SHOX: variants seen among roughly 807,000 people sequenced by gnomAD.
SHOX encodes short stature homeobox protein.
Under a neutral mutation model 29.6 loss-of-function variants are expected in SHOX, and 12 were observed. That is an observed-to-expected ratio of 0.41 (90% CI 0.26 to 0.66). SHOX has a LOEUF of 0.66. SHOX is among the 30% of genes least tolerant of loss of function. The probability of loss-of-function intolerance (pLI) is 0.35; values close to 1 mark genes in which losing one functional copy is unlikely to be tolerated. For missense variants in SHOX, 499 were observed against 437.7 expected, an observed-to-expected ratio of 1.14 and a Z score of -1.25; for synonymous variants, 214 against 200.6, an observed-to-expected ratio of 1.07 and a Z score of -0.57.
intron 4 of SHOX, among the ~76,000 whole-genome samples, chrX:641,963 C>G (rs182802336): frequency 2.6e-5 from 4 of 152,250 alleles, no homozygotes; most frequent in South Asian, 2.1e-4. Flanking sequence ...GGGCTCTGCA[C>G]CTCTGAGCTG....
chrX:640,756 T>C lies in SHOX; in HGVS notation c.487-65T>C, dbSNP rs372057905. ...GCTTGGTTCAGCCTCATGGGAAGGATGCTCCCTGGGGAGGCTGGGCTGGGT... is the reference window on the plus strand; with the variant it reads ...GCTTGGTTCAGCCTCATGGGAAGGACGCTCCCTGGGGAGGCTGGGCTGGGT... On this transcript the variant is annotated intron_variant, in intron 2 of 4. Transcript: ENST00000686671. The C allele has an allele frequency of 6.2e-5, 98 of 1,578,932 alleles. No homozygotes were observed. The African/African-American group carries it at 1.0e-3, about 17-fold the overall frequency.
In SHOX at chrX:634,815, G is replaced by T. The variant is rs751858866; in HGVS notation, c.475G>T (p.Ala159Ser). The T allele has an allele frequency of 6.4e-7, 1 of 1,572,160 alleles. No individual in the cohort carries two copies. Among genetic ancestry groups the T allele is most frequent in the East Asian group, 2.3e-5 (1 of 42,596 alleles). ...ELSQRLGLSE[A>S]RVQVWFQNRR... ...CAGCCAGCGCCTGGGGCTCTCCGAG[G>T]CGCGCGTGCAGGTAGGAACCCGGGG... The change falls in exon 2 of 5, where the codon GCG becomes TCG. Residue 159 changes from alanine (A) to serine (S), a missense_variant. Transcript: ENST00000686671.
At position 649,611 on chromosome X, in the gene SHOX, G is replaced by A. The variant is rs1569495807; in HGVS notation, c.*4975G>A. On this transcript the variant is annotated 3_prime_UTR_variant, in exon 5 of 5. Transcript: ENST00000686671. Reference sequence around the variant, plus strand: ...CTGTGGCTTCCCGGTGAGCTCGCTCGCAGAGCAAGGAATACCACCCAGAGA... The same window carrying A: ...CTGTGGCTTCCCGGTGAGCTCGCTCACAGAGCAAGGAATACCACCCAGAGA... Among the ~76,000 whole-genome samples, 2 of 152,256 alleles carry A rather than the reference G, an allele frequency of 1.3e-5. No homozygotes were observed. Among genetic ancestry groups the A allele is most frequent in the Admixed American group, 6.5e-5 (1 of 15,286 alleles).
Position 646,277 on chromosome X carries a change from G to A in SHOX, c.*1641G>A, listed in dbSNP as rs1210201348. The stretch of plus-strand genomic sequence containing the variant: ...TCAAGGGTTCTGCCCCCAGATTTCG[G>A]GAGATCCACGTTCCATGTTCTGATT... On this transcript the variant is annotated 3_prime_UTR_variant, in exon 5 of 5. Transcript: ENST00000686671. 2.0e-4 allele frequency: 31 copies of A among 151,992 alleles called. No homozygotes were observed. Among genetic ancestry groups the A allele is most frequent in the Admixed American group, 2.0e-3 (30 of 15,232 alleles). 9.4% of individuals were successfully genotyped at this position (151,992 alleles called of 1,614,324 possible). A position where few individuals can be genotyped will look rare whatever the true frequency, so the allele number is the denominator to read the frequency against.
intron 2 of SHOX, among the ~76,000 whole-genome samples, chrX:638,366 G>C (rs998611767): frequency 2.6e-5 from 4 of 152,108 alleles, no homozygotes; most frequent in Non-Finnish European, 5.9e-5. Context: ...TGGGTGGCTG[G>C]CTTGCTTTCT....
upstream of SHOX, among the ~76,000 whole-genome samples, chrX:630,043 G>T (rs2052618919): frequency 6.6e-6 from 1 of 152,164 alleles, no homozygotes; most frequent in Non-Finnish European, 1.5e-5. Flanking sequence ...AAAGAATATA[G>T]ATCTTTACGA....
At chrX:652,597 G>C (rs781401919), downstream of SHOX, among the ~76,000 whole-genome samples, 4 of 152,172 alleles carry the variant, frequency 2.6e-5, no homozygotes, top group East Asian at 1.9e-4. Flanking sequence ...CAGTTGCCTG[G>C]AGTCTAAACC....
At chrX:638,474 C>T (rs1235025657) in intron 2 of SHOX, among the ~76,000 whole-genome samples, 2 of 152,114 alleles carry the variant, frequency 1.3e-5, no homozygotes, top group Non-Finnish European at 2.9e-5. Flanking sequence ...CTGAAGGCGC[C>T]AGCTTTGGAA....
chrX:628,201 C>G (rs192594156), upstream of SHOX, among the ~76,000 whole-genome samples: 2 of 132,124 alleles, frequency 1.5e-5, no homozygotes, highest in East Asian at 4.5e-4. Flanking sequence ...TTCTCTCTCC[C>G]TCTCTCTCCC....
Position 651,250 on chromosome X carries a change from C to T in SHOX, c.*6614C>T, listed in dbSNP as rs1390405912. 4.4e-6 allele frequency: 2 copies of T among 453,286 alleles called. No homozygotes were observed. The highest frequency in any genetic ancestry group is 1.6e-5 in the South Asian group (1 of 63,734). The allele number at this position is 453,286 out of a possible 1,614,324, so 28.1% of individuals were successfully genotyped here. A position where few individuals can be genotyped will look rare whatever the true frequency, so the allele number is the denominator to read the frequency against. On this transcript the variant is annotated 3_prime_UTR_variant, in exon 5 of 5. Transcript: ENST00000686671. ...CCCTCCCCCATTGACGACATAGCGG[C>T]CCCCGCGTCCGGGTTACAAATACAT...
At chrX:626,687 CTG>C (rs1227588273), upstream of SHOX, among the ~76,000 whole-genome samples, 5 of 119,956 alleles carry the variant, frequency 4.2e-5, no homozygotes, top group Non-Finnish European at 8.8e-5. Context: ...CTGTCTATCT[CTG>C]TCTCTCTTTC....
Position 645,414 on chromosome X carries a change from TTTTTTTTTTG to T in SHOX, c.*779_*788del, listed in dbSNP as rs2052949337. The T allele has an allele frequency of 1.6e-5, 2 of 128,158 alleles. No individual in the cohort carries two copies. Among genetic ancestry groups the T allele is most frequent in the African/African-American group, 6.2e-5 (2 of 32,348 alleles). The allele number at this position is 128,158 out of a possible 1,614,324, so 7.9% of individuals were successfully genotyped here. A position where few individuals can be genotyped will look rare whatever the true frequency, so the allele number is the denominator to read the frequency against. On this transcript the variant is annotated 3_prime_UTR_variant, in exon 5 of 5. Transcript: ENST00000686671. ...TATTTTTTTTTTTTTTTTTTTTTTT[TTTTTTTTTTG>T]CTGTGTTACAGGATTCAGACGCAAA...
chrX:643,096 C>T, intron 4 of SHOX, among the ~76,000 whole-genome samples: 1 of 149,972 alleles, frequency 6.7e-6, no homozygotes, highest in Middle Eastern at 3.5e-3. Context: ...ACCTGGTGTC[C>T]TGGGAGAGGC....
In SHOX at chrX:645,388, GTATTTTTTTTTTTTTTTT is replaced by G. The variant is rs2052947071; in HGVS notation, c.*754_*771del. The G allele has an allele frequency of 1.3e-5, 1 of 77,748 alleles. No homozygotes were observed. Among genetic ancestry groups the G allele is most frequent in the South Asian group, 5.2e-4 (1 of 1,940 alleles). 4.8% of individuals were successfully genotyped at this position (77,748 alleles called of 1,614,324 possible). On this transcript the variant is annotated 3_prime_UTR_variant, in exon 5 of 5. Coordinates refer to ENST00000686671, the MANE Select transcript of SHOX (RefSeq NM_000451.4). Reference sequence around the variant, plus strand: ...TTGGGTCTGGTTTTGTTTTGGATTGGTATTTTTTTTTTTTTTTTTTTTTTTTTTTTTTTTTGCTGTGTT... The same window carrying G: ...TTGGGTCTGGTTTTGTTTTGGATTGGTTTTTTTTTTTTTTTTTGCTGTGTT...
In SHOX at chrX:648,305, G is replaced by A. The variant is rs2052991500; in HGVS notation, c.*3669G>A. Among the ~76,000 whole-genome samples the A allele has an allele frequency of 6.7e-6, 1 of 148,250 alleles. No homozygotes were observed. Among genetic ancestry groups the A allele is most frequent in the Non-Finnish European group, 1.5e-5 (1 of 67,256 alleles). ...TTACAGGCACCTGCCACCAGGCCTG[G>A]GTAACTTTCTGGTAGTTTTAGTAGA... On this transcript the variant is annotated 3_prime_UTR_variant, in exon 5 of 5. Transcript: ENST00000686671.
At chrX:636,136 TATATAAACATATATAA>T (rs2052742641) in intron 2 of SHOX, among the ~76,000 whole-genome samples, 4 of 148,932 alleles carry the variant, frequency 2.7e-5, no homozygotes, top group South Asian at 4.2e-4. Flanking sequence ...TGTGTCTCTA[TATATAAACATATATAA>T]ATATATAAAC....
chrX:626,162 A>G (rs1387009488), upstream of SHOX, among the ~76,000 whole-genome samples: 1 of 81,880 alleles, frequency 1.2e-5, no homozygotes, highest in African/African-American at 5.7e-5. Context: ...CTGTATCTCT[A>G]TCTCTGTCTC....
intron 1 of SHOX, among the ~76,000 whole-genome samples, chrX:632,438 T>C (rs2052667247): frequency 6.6e-6 from 1 of 152,190 alleles, no homozygotes; most frequent in African/African-American, 2.4e-5. Context: ...TGGACGCCTG[T>C]TATGTTTTCA....
At chrX:630,308 T>TGCC (rs1556456850), upstream of SHOX, among the ~76,000 whole-genome samples, 1 of 150,386 alleles carries the variant, frequency 6.6e-6, no homozygotes, top group African/African-American at 2.4e-5. Context: ...GGCGCCCGGA[T>TGCC]CCCCCCCTCG....
Sources: gnomAD v4.1 joint callset for allele counts (sites outside exome capture counted in the v4.1 genomes callset) on GRCh38, gnomAD v4.1.1 for gene constraint, MANE v1.5 for transcripts, NCBI Gene and HGNC (gene_info 2026-07-23, HGNC 2026-07-21) for gene names.